Variants in RBPJ observed in about 807,000 individuals in gnomAD.
The protein encoded by RBPJ is recombining binding protein suppressor of hairless.
RBPJ carries 9 observed loss-of-function variants against 67.8 expected under a neutral mutation model. The ratio of observed to expected loss-of-function variants is 0.13; its 90% CI spans 0.08 to 0.23. The LOEUF is 0.23. Ranked by LOEUF, RBPJ falls within the 10% of genes least tolerant of loss-of-function variation. The probability of loss-of-function intolerance (pLI) is 1.00; values close to 1 mark genes in which losing one functional copy is unlikely to be tolerated. For synonymous variants in RBPJ, 198 were observed against 203.3 expected (o/e 0.97, Z 0.22); for missense variants, 305 against 595.6 (o/e 0.51, Z 5.08).
intron 2 of RBPJ, among the ~76,000 whole-genome samples, chr4:26,401,659 A>G (rs376957423): frequency 6.6e-6 from 1 of 152,364 alleles, no homozygotes; most frequent in African/African-American, 2.4e-5. Context: ...ATTTGGGAAG[A>G]CAAGAAAAAT....
At chr4:26,345,941 G>C (rs1028673913) in intron 1 of RBPJ, among the ~76,000 whole-genome samples, 1 of 152,090 alleles carries the variant, frequency 6.6e-6, no homozygotes, top group African/African-American at 2.4e-5. Context: ...CTATAATGAA[G>C]CTTTTTTGGA....
rs1484821943 is a variant in RBPJ, at chr4:26,430,833, C to T, written c.1290C>T (p.Thr430=). Residue 430 remains threonine, a synonymous_variant, in exon 11 of 11, where the codon ACC becomes ACT. Coordinates refer to ENST00000355476, the MANE Select transcript of RBPJ (RefSeq NM_015874.6). This position sits in a 1 kb window ranked among gnomAD's most constrained non-coding sequence, Gnocchi z 4.1. ...TTTATTCCACCAGCCTTACCTTTAC[C>T]TACACACCAGAACCAGGGCCGCGGC... ...GIIYSTSLTF[T]YTPEPGPRPH... 1 of 1,613,960 alleles carries T rather than the reference C, an allele frequency of 6.2e-7. No individual in the cohort carries two copies. The highest frequency in any genetic ancestry group is 2.2e-5 in the East Asian group (1 of 44,864).
intron 1 of RBPJ, among the ~76,000 whole-genome samples, chr4:26,237,882 T>TTTG (rs1284502969): frequency 1.3e-5 from 1 of 78,810 alleles, no homozygotes; most frequent in African/African-American, 5.6e-5. Context: ...TTTGTTTTGT[T>TTTG]TTTTGTTTTG....
intron 1 of RBPJ, among the ~76,000 whole-genome samples, chr4:26,339,386 C>T (rs1725251505): frequency 6.6e-6 from 1 of 152,158 alleles, no homozygotes; most frequent in East Asian, 1.9e-4. Flanking sequence ...GTAATCCCAG[C>T]ACTTTGGGAG....
intron 1 of RBPJ, among the ~76,000 whole-genome samples, chr4:26,333,758 C>T (rs769115503): frequency 6.6e-6 from 1 of 151,974 alleles, no homozygotes; most frequent in Admixed American, 6.6e-5. Flanking sequence ...GGCAAAATCA[C>T]AGCTCACTGT....
intron 1 of RBPJ, among the ~76,000 whole-genome samples, chr4:26,256,259 G>A (rs946474919): frequency 2.1e-5 from 3 of 144,464 alleles, no homozygotes; most frequent in South Asian, 4.4e-4. Flanking sequence ...TTTGGAAATA[G>A]AAATGGAATA....
rs193234161 is a variant in RBPJ at position 26,433,405 on chromosome 4, T to C, written c.*2398T>C. The stretch of plus-strand genomic sequence containing the variant: ...GGTTTGGTATTTAGTTAAGGAATCA[T>C]ATTAAATTAACCAATAACAAAAGAG... On this transcript the variant is annotated 3_prime_UTR_variant, in exon 11 of 11. Coordinates refer to ENST00000355476, the MANE Select transcript of RBPJ (RefSeq NM_015874.6). The C allele has an allele frequency of 2.1e-4, 32 of 152,352 alleles. No individual in the cohort carries two copies. The highest frequency in any genetic ancestry group is 7.5e-4 in the African/African-American group (31 of 41,578). 9.4% of individuals were successfully genotyped at this position (152,352 alleles called of 1,614,324 possible).
chr4:26,387,470 GAT>G (rs1179074299), intron 2 of RBPJ, among the ~76,000 whole-genome samples: 1 of 152,140 alleles, frequency 6.6e-6, no homozygotes, highest in Non-Finnish European at 1.5e-5. Context: ...TTTCCTTACA[GAT>G]GCATGTCGCC....
rs1429155091 is a variant in RBPJ at position 26,172,723 on chromosome 4, A to G, written c.-167+9109A>G. Among the ~76,000 whole-genome samples the G allele has an allele frequency of 2.6e-5, 4 of 152,368 alleles. No homozygotes were observed. In the East Asian group the frequency reaches 5.8e-4, roughly 22 times the overall value. On this transcript the variant is annotated intron_variant, in intron 1 of 4. Transcript: ENST00000512351. The stretch of plus-strand genomic sequence containing the variant: ...CTTAGAACTGTGCCCGATAGATGGT[A>G]TAACTCTGAGAAGTGTTATAAAAGC...
Position 26,395,215 on chromosome 4 carries a change from G to C in RBPJ, c.59+8824G>C, listed in dbSNP as rs184278949. On this transcript the variant is annotated intron_variant, in intron 2 of 10. Transcript: ENST00000355476. The stretch of plus-strand genomic sequence containing the variant: ...CTCAAGCCTGTAATCCCAGCATTTT[G>C]GGTGGCCAAGGCAGGAGGATTGCTT... Among the ~76,000 whole-genome samples, 4 of 152,246 alleles carry C rather than the reference G, an allele frequency of 2.6e-5. 1 individual carries two copies. The highest frequency in any genetic ancestry group is 9.6e-5 in the African/African-American group (4 of 41,550).
At chr4:26,244,193 A>G (rs113265872) in intron 1 of RBPJ, among the ~76,000 whole-genome samples, 210 of 146,954 alleles carry the variant, frequency 1.4e-3, no homozygotes, top group African/African-American at 5.0e-3. Flanking sequence ...GTATACATAT[A>G]TGTGTCTATA....
At position 26,255,826 on chromosome 4, in the gene RBPJ, A is replaced by AGAG. The variant is rs1335913024; in HGVS notation, c.-167+92212_-167+92213insGAG. 8.2e-3 allele frequency among the ~76,000 whole-genome samples: 1,241 copies of AGAG among 152,002 alleles called. 11 individuals are homozygous for AGAG. Among genetic ancestry groups the AGAG allele is most frequent in the Non-Finnish European group, 0.013 (873 of 67,978 alleles). ...CAAAAAAAAAAAAAAAAAGAAAAGA[A>AGAG]AAAAGAAAATCACCTAAGTTCTAGT... On this transcript the variant is annotated intron_variant, in intron 1 of 4. Coordinates refer to the RBPJ transcript ENST00000512351.
chr4:26,247,680 G>T (rs1719973641), intron 1 of RBPJ, among the ~76,000 whole-genome samples: 3 of 152,114 alleles, frequency 2.0e-5, no homozygotes, highest in Admixed American at 2.0e-4. Context: ...AAAGTGCTGG[G>T]ATTACAGGCA....
At chr4:26,319,994 C>G (rs990762258), upstream of RBPJ, 3 of 988,664 alleles carry the variant, frequency 3.0e-6, no homozygotes, top group African/African-American at 3.3e-5. Flanking sequence ...AAGCGCGATT[C>G]GGGCAGCCGG....
At chr4:26,324,634 A>G (rs1723432536) in intron 1 of RBPJ, among the ~76,000 whole-genome samples, 1 of 152,108 alleles carries the variant, frequency 6.6e-6, no homozygotes, top group African/African-American at 2.4e-5. Context: ...GGTTCAAGCG[A>G]TCCTCGTGCC....
intron 2 of RBPJ, among the ~76,000 whole-genome samples, chr4:26,392,912 G>A (rs1391874849): frequency 1.3e-5 from 2 of 152,114 alleles, no homozygotes; most frequent in East Asian, 1.9e-4. Flanking sequence ...GTAAATTAAG[G>A]TAAGTTTTGT....
intron 2 of RBPJ, among the ~76,000 whole-genome samples, chr4:26,395,122 G>T (rs1731985207): frequency 6.6e-6 from 1 of 152,098 alleles, no homozygotes; most frequent in African/African-American, 2.4e-5. Context: ...TTTGAAGGTT[G>T]CCTCAGAGTA....
At chr4:26,395,313 G>A (rs116219811) in intron 2 of RBPJ, among the ~76,000 whole-genome samples, 17 of 152,092 alleles carry the variant, frequency 1.1e-4, no homozygotes, top group African/African-American at 3.9e-4. Flanking sequence ...AGCTAGATGT[G>A]GTATTGCCCG....
At chr4:26,272,782 G>T (rs752793725) in intron 1 of RBPJ, 7 of 439,068 alleles carry the variant, frequency 1.6e-5, no homozygotes, top group South Asian at 4.9e-5. Context: ...CACCAGGAAG[G>T]GGGTGATGGG....
Sources: allele counts gnomAD v4.1 joint callset (sites outside exome capture counted in the v4.1 genomes callset), GRCh38; gene constraint gnomAD v4.1.1; non-coding constraint Gnocchi (gnomAD v3.1); transcripts MANE v1.5; gene names NCBI Gene and HGNC (gene_info 2026-07-23, HGNC 2026-07-21).